The following HS3ST1 variants were observed in gnomAD, a reference collection of about 807,000 sequenced individuals.
The protein encoded by HS3ST1 is heparan sulfate glucosamine 3-O-sulfotransferase 1.
HS3ST1 carries 8 observed loss-of-function variants against 20.7 expected under a neutral mutation model. The observed-to-expected ratio is 0.39, with a 90% CI of 0.23 to 0.70. The LOEUF is 0.70. Among genes scored for constraint, HS3ST1 ranks in the 30% least tolerant of loss-of-function variants. HS3ST1 has a pLI of 0.46. For synonymous variants in HS3ST1, 205 were observed against 190.4 expected, an observed-to-expected ratio of 1.08 and a Z score of -0.63; for missense variants, 436 against 423.4, an observed-to-expected ratio of 1.03 and a Z score of -0.26.
upstream of HS3ST1, chr4:11,429,348 G>T (rs976981650): frequency 6.6e-6 from 1 of 152,464 alleles, no homozygotes; most frequent in Non-Finnish European, 1.5e-5. Context: ...TCGCCAGCTC[G>T]GCACTTGTAC....
At chr4:11,403,828 G>A (rs984892278) in intron 1 of HS3ST1, among the ~76,000 whole-genome samples, 2 of 152,140 alleles carry the variant, frequency 1.3e-5, no homozygotes, top group African/African-American at 4.8e-5. Flanking sequence ...CTTGGTCAAA[G>A]TGACTTAACC....
chr4:11,429,719 C>CAG (rs1281205637), upstream of HS3ST1: 13 of 117,324 alleles, frequency 1.1e-4, no homozygotes, highest in Non-Finnish European at 2.1e-4. Flanking sequence ...AAATAAAAAG[C>CAG]AGGATATTTC....
chr4:11,431,270 C>A (rs937475890), upstream of HS3ST1, among the ~76,000 whole-genome samples: 3 of 151,754 alleles, frequency 2.0e-5, no homozygotes, highest in Admixed American at 2.0e-4. Context: ...TGGAACTTCC[C>A]TCAAGGAGTC....
At chr4:11,411,464 A>G (rs749316249) in intron 1 of HS3ST1, among the ~76,000 whole-genome samples, 2 of 152,208 alleles carry the variant, frequency 1.3e-5, no homozygotes, top group African/African-American at 2.4e-5. Context: ...AGGTTCTACA[A>G]GTAAATTAGT....
At chr4:11,426,370 C>CA (rs1021026118) in intron 1 of HS3ST1, among the ~76,000 whole-genome samples, 2 of 151,418 alleles carry the variant, frequency 1.3e-5, no homozygotes, top group African/African-American at 2.4e-5. Context: ...GAGGCCCCCC[C>CA]CCCAACCCTC....
chr4:11,401,422 G>A (rs369612573), intron 1 of HS3ST1, among the ~76,000 whole-genome samples: 252 of 149,586 alleles, frequency 1.7e-3, no homozygotes, highest in African/African-American at 6.0e-3. Flanking sequence ...TCAGCTCACC[G>A]CAACCTCCGC....
Position 11,398,800 on chromosome 4 carries a change from A to C in HS3ST1, c.*282T>G. On this transcript the variant is annotated 3_prime_UTR_variant, in exon 2 of 2. Transcript: ENST00000002596. ...TTCAAAAAAACATAGCGTCTCCAGA[A>C]AAAATCTTTTTTTTTTTTTCAGTGA... is the stretch of plus-strand genomic sequence containing the variant. 3.9e-6 allele frequency: 1 copy of C among 255,000 alleles called. No individual in the cohort carries two copies. The highest frequency in any genetic ancestry group is 7.3e-6 in the Non-Finnish European group (1 of 137,212). The allele number at this position is 255,000 out of a possible 1,614,324, so 15.8% of individuals were successfully genotyped here. A position where few individuals can be genotyped will look rare whatever the true frequency, so the allele number is the denominator to read the frequency against.
Position 11,399,632 on chromosome 4 carries a change from G to T in HS3ST1, c.374C>A (p.Thr125Lys). The T allele has an allele frequency of 6.2e-7, 1 of 1,613,950 alleles. No homozygotes were observed. Among genetic ancestry groups the T allele is most frequent in the Non-Finnish European group, 8.5e-7 (1 of 1,180,036 alleles). ...GACTCGCTCAGGCACTTTGGGCGAC[G>T]TGAAATACGCGGGGGTCTTCTCCAC... is the stretch of plus-strand genomic sequence containing the variant. ...LTVEKTPAYF[T>K]SPKVPERVYS... Residue 125 changes from threonine (T) to lysine (K), a missense_variant, in exon 2 of 2, where the codon ACG (threonine) becomes AAG (lysine). Coordinates refer to ENST00000002596, the MANE Select transcript of HS3ST1 (RefSeq NM_005114.4). This position sits in a 1 kb window ranked among gnomAD's most constrained non-coding sequence, Gnocchi z 5.1.
At chr4:11,409,433 A>AG (rs1176410886) in intron 1 of HS3ST1, among the ~76,000 whole-genome samples, 16 of 139,366 alleles carry the variant, frequency 1.1e-4, no homozygotes, top group African/African-American at 4.3e-4. Flanking sequence ...TAAGGTTGTA[A>AG]GGGTGGGGCT....
intron 1 of HS3ST1, among the ~76,000 whole-genome samples, chr4:11,423,869 C>A (rs1157720440): frequency 6.6e-6 from 1 of 152,138 alleles, no homozygotes; most frequent in Non-Finnish European, 1.5e-5. Flanking sequence ...TCCCTCATAT[C>A]CCTGGAAACC....
At position 11,394,319 on chromosome 4, in the gene HS3ST1, T is replaced by A. The variant is rs781230129; in HGVS notation, c.*4763A>T. 3.3e-5 allele frequency: 5 copies of A among 152,122 alleles called. No individual in the cohort carries two copies. The highest frequency in any genetic ancestry group is 7.4e-5 in the Non-Finnish European group (5 of 68,016). 9.4% of individuals were successfully genotyped at this position (152,122 alleles called of 1,614,324 possible). A position where few individuals can be genotyped will look rare whatever the true frequency, so the allele number is the denominator to read the frequency against. On this transcript the variant is annotated 3_prime_UTR_variant, in exon 2 of 2. Coordinates refer to ENST00000002596, the MANE Select transcript of HS3ST1 (RefSeq NM_005114.4). Reference sequence around the variant, plus strand: ...CTTTGCTGTTATCTAACTGAGAAATTTGGGCAAAATAGAGTAAAGGTCTTG... The same window carrying A: ...CTTTGCTGTTATCTAACTGAGAAATATGGGCAAAATAGAGTAAAGGTCTTG...
chr4:11,407,056 C>T (rs115576893), intron 1 of HS3ST1, among the ~76,000 whole-genome samples: 1,799 of 152,238 alleles, frequency 0.012, 37 homozygotes, highest in African/African-American at 0.041. Context: ...TGCCTGTCAG[C>T]CTATGAGAGG....
At chr4:11,413,860 TTAGAAA>T (rs1170947920) in intron 1 of HS3ST1, among the ~76,000 whole-genome samples, 13 of 152,162 alleles carry the variant, frequency 8.5e-5, no homozygotes, top group Admixed American at 2.0e-4. Flanking sequence ...AGAGCTACAA[TTAGAAA>T]TAGATTGCTT....
chr4:11,427,317 C>T (rs1405754953), intron 1 of HS3ST1, among the ~76,000 whole-genome samples: 1 of 152,170 alleles, frequency 6.6e-6, no homozygotes, highest in Non-Finnish European at 1.5e-5. Context: ...TCCGGGGCTA[C>T]TGGCGGGAGG....
rs962744598 is a variant in HS3ST1 at position 11,393,906 on chromosome 4, A to G, written c.*5176T>C. 1 of 152,226 alleles carries G rather than the reference A, an allele frequency of 6.6e-6. No individual in the cohort carries two copies. The highest frequency in any genetic ancestry group is 1.5e-5 in the Non-Finnish European group (1 of 68,050). The allele number at this position is 152,226 out of a possible 1,614,324, so 9.4% of individuals were successfully genotyped here. ...AGAGAAATCCTTCAGAAAATAGTAC[A>G]GAAGACAATCTTTGTGGCAGCTGGG... On this transcript the variant is annotated 3_prime_UTR_variant, in exon 2 of 2. Coordinates refer to ENST00000002596, the MANE Select transcript of HS3ST1 (RefSeq NM_005114.4).
chr4:11,423,359 T>C (rs1293314074), intron 1 of HS3ST1, among the ~76,000 whole-genome samples: 3 of 152,320 alleles, frequency 2.0e-5, no homozygotes, highest in East Asian at 3.9e-4. Flanking sequence ...AACTCCCACA[T>C]AGAAAATATT....
upstream of HS3ST1, among the ~76,000 whole-genome samples, chr4:11,431,432 G>T (rs1719203757): frequency 6.6e-6 from 1 of 152,158 alleles, no homozygotes; most frequent in Non-Finnish European, 1.5e-5. Context: ...TGAAAAATGA[G>T]AGGGTTTTAG....
chr4:11,414,227 G>A (rs1468207164), intron 1 of HS3ST1: 1 of 152,228 alleles, frequency 6.6e-6, no homozygotes, highest in African/African-American at 2.4e-5. Flanking sequence ...ACCTCAGCAA[G>A]GTTCACTCAT....
upstream of HS3ST1, among the ~76,000 whole-genome samples, chr4:11,430,164 C>A (rs910088262): frequency 1.3e-5 from 2 of 152,136 alleles, no homozygotes; most frequent in East Asian, 3.9e-4. Context: ...CCAGTATATT[C>A]TGTCTTTTTG....
Sources: allele counts gnomAD v4.1 joint callset (sites outside exome capture counted in the v4.1 genomes callset), GRCh38; gene constraint gnomAD v4.1.1; non-coding constraint Gnocchi (gnomAD v3.1); transcripts MANE v1.5; gene names NCBI Gene and HGNC (gene_info 2026-07-23, HGNC 2026-07-21).